The following DKK3 variants were observed in gnomAD, a reference collection of about 807,000 sequenced individuals.
DKK3 encodes dickkopf-related protein 3.
In DKK3, 22 loss-of-function variants were observed where a neutral mutation model predicts 33.2. The observed-to-expected ratio is 0.66, with a 90% CI of 0.47 to 0.95. The LOEUF is 0.95. DKK3 is among the 40% of genes least tolerant of loss of function. The pLI, the probability that DKK3 is intolerant of heterozygous loss-of-function variation, is 0.00. For synonymous variants in DKK3, 194 were observed against 188.8 expected (o/e 1.03, Z -0.23); for missense variants, 398 against 458.4 (o/e 0.87, Z 1.20).
chr11:11,997,197 G>T (rs979818709), intron 3 of DKK3, among the ~76,000 whole-genome samples: 2 of 152,218 alleles, frequency 1.3e-5, no homozygotes, highest in Non-Finnish European at 2.9e-5. Context: ...CCCAGAGCAC[G>T]GCTGTACCAC....
intron 3 of DKK3, among the ~76,000 whole-genome samples, chr11:11,974,775 G>GCCCA (rs1847797432): frequency 6.6e-6 from 1 of 152,152 alleles, no homozygotes; most frequent in South Asian, 2.1e-4. Flanking sequence ...ATGGTGACAT[G>GCCCA]CACCTGTGAT....
rs535998478 is a variant in DKK3 at position 11,979,430 on chromosome 11, G to T, written c.436-10943C>A. The stretch of plus-strand genomic sequence containing the variant: ...GGAGAAATGCTTCCGGTCACAGGCG[G>T]GTAGCCAAGTTCTCACCAGGTTCTC... On this transcript the variant is annotated intron_variant, in intron 3 of 6. Transcript: ENST00000683431. Among the ~76,000 whole-genome samples, 9 of 152,310 alleles carry T rather than the reference G, an allele frequency of 5.9e-5. No homozygotes were observed. The South Asian group carries it at 1.9e-3, about 32-fold the overall frequency.
At chr11:11,964,740 G>A (rs553951047) in intron 6 of DKK3, 54 bp from the exon 7 acceptor site, 17 of 1,568,392 alleles carry the variant, frequency 1.1e-5, no homozygotes, top group African/African-American at 4.1e-5. Context: ...TGCCCAGGCC[G>A]AAAGCTAAGG....
Position 11,968,429 on chromosome 11 carries a change from T to C in DKK3, c.494A>G (p.Gln165Arg). The C allele has an allele frequency of 1.9e-6, 3 of 1,613,448 alleles. No homozygotes were observed. Among genetic ancestry groups the C allele is most frequent in the Non-Finnish European group, 2.5e-6 (3 of 1,179,680 alleles). The change falls in exon 4 of 7, where the codon CAG becomes CGG. Residue 165 changes from glutamine to arginine, a missense_variant. Gln to Arg is a conservative substitution (Grantham distance 43, BLOSUM62 1). Coordinates refer to ENST00000683431, the MANE Select transcript of DKK3 (RefSeq NM_001018057.2). ...GCCCCGGCATGGCTGGCAGGTGTAC[T>C]GGAAGCTGGCAAACTGGCAGTACAT... Reference protein sequence around the residue: ...PSMYCQFASFQYTCQPCRGQR... With the variant: ...PSMYCQFASFRYTCQPCRGQR...
intron 3 of DKK3, among the ~76,000 whole-genome samples, chr11:11,970,888 G>A (rs1007980286): frequency 6.6e-6 from 1 of 152,172 alleles, no homozygotes; most frequent in African/African-American, 2.4e-5. Context: ...CTCCAGAACT[G>A]GAAAACAGTA....
chr11:12,003,143 C>G (rs1848465537), intron 1 of DKK3, among the ~76,000 whole-genome samples: 1 of 152,194 alleles, frequency 6.6e-6, no homozygotes, highest in African/African-American at 2.4e-5. Flanking sequence ...TTTCCCACTT[C>G]CTGCTAGTGT....
intron 2 of DKK3, among the ~76,000 whole-genome samples, chr11:11,999,290 G>T (rs1345437970): frequency 6.6e-6 from 1 of 152,160 alleles, no homozygotes; most frequent in South Asian, 2.1e-4. Flanking sequence ...CAATATTCCT[G>T]TATCTGTTGT....
At chr11:12,001,896 A>G (rs1339286449) in intron 2 of DKK3, 1 of 155,406 alleles carries the variant, frequency 6.4e-6, no homozygotes, top group Non-Finnish European at 1.4e-5. Context: ...GTGAGGGTCA[A>G]TTCACCATAA....
intron 1 of DKK3, among the ~76,000 whole-genome samples, chr11:12,002,899 C>A (rs886145243): frequency 1.3e-5 from 2 of 152,198 alleles, no homozygotes; most frequent in Non-Finnish European, 2.9e-5. Context: ...CTCTGGTCAC[C>A]AAAGTATGCT....
chr11:11,991,617 T>G lies in DKK3; in HGVS notation c.435+7079A>C, dbSNP rs368315979. ...CCTCTCTCTCTCTCTGTCTCTCTCC[T>G]CCCTCCCCTCACTTCCTCTCACAAT... is the stretch of plus-strand genomic sequence containing the variant. On this transcript the variant is annotated intron_variant, in intron 3 of 6. Coordinates refer to ENST00000683431, the MANE Select transcript of DKK3 (RefSeq NM_001018057.2). Among the ~76,000 whole-genome samples, 73 of 152,078 alleles carry G rather than the reference T, an allele frequency of 4.8e-4. 1 individual carries two copies. The East Asian group carries it at 0.011, about 23-fold the overall frequency.
chr11:11,988,511 C>T lies in DKK3; in HGVS notation c.435+10185G>A, dbSNP rs140937089. Among the ~76,000 whole-genome samples, 7 of 152,298 alleles carry T rather than the reference C, an allele frequency of 4.6e-5. No homozygotes were observed. In the East Asian group the frequency reaches 1.4e-3, roughly 29 times the overall value. On this transcript the variant is annotated intron_variant, in intron 3 of 6. Transcript: ENST00000683431. ...GCCTCTGTTGGCACTGTCCCCTGGC[C>T]TACCTCCCGGGAAGCCCTCGCTACC...
At chr11:11,964,761 C>G (rs1198817249) in intron 6 of DKK3, 75 bp from the exon 7 acceptor site, 1 of 1,545,752 alleles carries the variant, frequency 6.5e-7, no homozygotes, top group South Asian at 1.2e-5. Flanking sequence ...CGCCCTGACT[C>G]TGTGGGGCTC....
In DKK3 at chr11:12,008,535, C is replaced by T. The variant is rs990459766; in HGVS notation, c.48G>A (p.Ala16=). 6.4e-7 allele frequency: 1 copy of T among 1,554,898 alleles called. No homozygotes were observed. Among genetic ancestry groups the T allele is most frequent in the Non-Finnish European group, 8.6e-7 (1 of 1,157,846 alleles). The change falls in exon 1 of 7, where the codon GCG becomes GCA. Residue 16 remains alanine (A), a synonymous_variant. Transcript: ENST00000683431. The surrounding 1 kb of genome is among the most constrained non-coding windows in gnomAD (Gnocchi z 4.6). ...ATLLCLLLAA[A]VPTAPAPAPT... ...GAGCGGGCGCGGGGGCCGTGGGGAC[C>T]GCCGCCGCCAGCAGCAGGCACAGCA...
chr11:12,001,100 A>C (rs1590553997), intron 2 of DKK3, among the ~76,000 whole-genome samples: 1 of 152,330 alleles, frequency 6.6e-6, no homozygotes, highest in East Asian at 1.9e-4. Flanking sequence ...GTATTCTGAC[A>C]TTTACAAGAA....
At chr11:11,973,463 T>C (rs929401334) in intron 3 of DKK3, among the ~76,000 whole-genome samples, 1 of 152,206 alleles carries the variant, frequency 6.6e-6, no homozygotes, top group African/African-American at 2.4e-5. Context: ...AAATGTCATA[T>C]GGCTGGAAGA....
intron 3 of DKK3, among the ~76,000 whole-genome samples, chr11:11,975,763 C>T (rs1308713272): frequency 6.6e-6 from 1 of 152,170 alleles, no homozygotes; most frequent in East Asian, 1.9e-4. Flanking sequence ...TGGGCCCCCA[C>T]ACTCCCCTCT....
chr11:11,975,613 G>A (rs572043036), intron 3 of DKK3, among the ~76,000 whole-genome samples: 1 of 152,352 alleles, frequency 6.6e-6, no homozygotes, highest in South Asian at 2.1e-4. Context: ...CTCCTGAGCA[G>A]AGGTGGTCCT....
chr11:11,994,270 C>T (rs1245639674), intron 3 of DKK3, among the ~76,000 whole-genome samples: 1 of 151,948 alleles, frequency 6.6e-6, no homozygotes, highest in Non-Finnish European at 1.5e-5. Flanking sequence ...CCTTTATAAA[C>T]CTTGCCACAC....
At chr11:11,974,035 A>C (rs1017948908) in intron 3 of DKK3, among the ~76,000 whole-genome samples, 5 of 152,330 alleles carry the variant, frequency 3.3e-5, no homozygotes, top group Non-Finnish European at 7.4e-5. Flanking sequence ...CCGGAGGCCC[A>C]AAGGAAGAGG....
Sources: gnomAD v4.1 joint callset for allele counts (sites outside exome capture counted in the v4.1 genomes callset) on GRCh38, gnomAD v4.1.1 for gene constraint, Gnocchi (gnomAD v3.1) non-coding constraint, MANE v1.5 for transcripts, NCBI Gene and HGNC (gene_info 2026-07-23, HGNC 2026-07-21) for gene names.